Variants in TTLL4 observed in about 807,000 individuals in gnomAD.
TTLL4 encodes the protein tubulin tyrosine ligase like 4.
TTLL4 carries 85 observed loss-of-function variants against 122.7 expected under a neutral mutation model. The observed-to-expected ratio is 0.69, with a 90% CI of 0.58 to 0.83. The LOEUF (loss-of-function observed/expected upper bound fraction) is 0.83. Among genes scored for constraint, TTLL4 ranks in the 40% least tolerant of loss-of-function variants. The probability of loss-of-function intolerance (pLI) is 0.00; values close to 1 mark genes in which losing one functional copy is unlikely to be tolerated. For synonymous variants in TTLL4, 553 were observed against 563.0 expected (o/e 0.98, Z 0.25); for missense variants, 1,363 against 1,488.6 (o/e 0.92, Z 1.39).
intron 2 of TTLL4, among the ~76,000 whole-genome samples, chr2:218,737,251 G>A (rs1251468494): frequency 3.9e-5 from 6 of 152,122 alleles, no homozygotes; most frequent in Admixed American, 2.6e-4. Context: ...AGTTGTGGGC[G>A]GTGAGACAGA....
chr2:218,731,426 T>A (rs1166034041), intron 2 of TTLL4, among the ~76,000 whole-genome samples: 2 of 151,432 alleles, frequency 1.3e-5, no homozygotes, highest in African/African-American at 2.4e-5. Flanking sequence ...AAAAAAAAAA[T>A]TTCACAAAAG....
At chr2:218,727,787 G>A (rs1362275544) in intron 2 of TTLL4, among the ~76,000 whole-genome samples, 3 of 152,060 alleles carry the variant, frequency 2.0e-5, no homozygotes, top group African/African-American at 7.2e-5. Flanking sequence ...CTGAGTTCCT[G>A]GTTAGAGAGC....
At chr2:218,728,510 C>T (rs1448499077) in intron 2 of TTLL4, among the ~76,000 whole-genome samples, 2 of 152,236 alleles carry the variant, frequency 1.3e-5, no homozygotes, top group Non-Finnish European at 2.9e-5. Context: ...GTAATGCCCG[C>T]TTGCCCAATG....
chr2:218,738,030 C>T lies in TTLL4; in HGVS notation c.354C>T (p.Tyr118=). ...LPDLFNSTLL[Y]RRSSYRQKPY... is the part of the protein sequence containing the mutation. ...ACTTGTTCAACAGCACCCTGCTATACCGCCGCTCCAGCTATAGGCAAAAAC... is the reference window on the plus strand; with the variant it reads ...ACTTGTTCAACAGCACCCTGCTATATCGCCGCTCCAGCTATAGGCAAAAAC... Residue 118 remains tyrosine, a synonymous_variant, in exon 3 of 20, where the codon TAC becomes TAT. Transcript: ENST00000392102. The T allele has an allele frequency of 6.2e-7, 1 of 1,614,182 alleles. No individual in the cohort carries two copies. The highest frequency in any genetic ancestry group is 8.5e-7 in the Non-Finnish European group (1 of 1,180,040).
At chr2:218,750,493 A>T (rs1192668915) in intron 15 of TTLL4, among the ~76,000 whole-genome samples, 2 of 152,054 alleles carry the variant, frequency 1.3e-5, no homozygotes, top group Non-Finnish European at 2.9e-5. Flanking sequence ...GCCTGTGAAT[A>T]GCCACTGTAC....
At position 218,716,518 on chromosome 2, in the gene TTLL4, A is replaced by G. The variant is rs548186256; in HGVS notation, c.-178+5481A>G. ...ATTTACACTGTGTCGGGCTGGGCGC[A>G]GTGGCTCACGCCTGTAATCCCAGCA... is the stretch of plus-strand genomic sequence containing the variant. On this transcript the variant is annotated intron_variant, in intron 1 of 19. Coordinates refer to ENST00000392102, the MANE Select transcript of TTLL4 (RefSeq NM_014640.5). 5.0e-3 allele frequency among the ~76,000 whole-genome samples: 756 copies of G among 152,318 alleles called. 5 individuals are homozygous for G. Among genetic ancestry groups the G allele is most frequent in the South Asian group, 0.018 (87 of 4,832 alleles).
Position 218,740,119 on chromosome 2 carries a change from G to C in TTLL4, c.1549G>C (p.Asp517His), listed in dbSNP as rs1942657178. Residue 517 changes from aspartate to histidine, a missense_variant, in exon 4 of 20, where the codon GAT becomes CAT. Physicochemically the swap from Asp to His is moderately conservative, Grantham distance 81 (BLOSUM62 -1). Coordinates refer to ENST00000392102, the MANE Select transcript of TTLL4 (RefSeq NM_014640.5). ...ETEDTEEELV[D>H]GLEDCCSRDE... ...TGAAGATACAGAAGAAGAACTAGTA[G>C]ATGGTTTGGAAGACTGTTGTAGCCG... 6.2e-7 allele frequency: 1 copy of C among 1,614,102 alleles called. No homozygotes were observed. The highest frequency in any genetic ancestry group is 1.7e-5 in the Admixed American group (1 of 60,014).
In TTLL4 at chr2:218,745,102, G is replaced by C. The variant is rs761265360; in HGVS notation, c.1662-7G>C. On this transcript the variant is annotated splice_polypyrimidine_tract_variant and splice_region_variant and intron_variant, in intron 5 of 19. Transcript: ENST00000392102. ...TTTCTCTACTCCATGTTTGTTTTTC[G>C]TCTTAGAAGCTGTATGGAAATTCTG... 1 of 1,613,378 alleles carries C rather than the reference G, an allele frequency of 6.2e-7. No individual in the cohort carries two copies. The highest frequency in any genetic ancestry group is 8.5e-7 in the Non-Finnish European group (1 of 1,179,612).
Position 218,744,140 on chromosome 2 carries a change from C to A in TTLL4, c.1662-969C>A, listed in dbSNP as rs146277766. The stretch of plus-strand genomic sequence containing the variant: ...TTGGGAATTAGTATTTAACTTGATT[C>A]CATAAAATTCATTAAAAATCTTTAA... On this transcript the variant is annotated intron_variant, in intron 5 of 19. Transcript: ENST00000392102. Among the ~76,000 whole-genome samples the A allele has an allele frequency of 2.6e-3, 392 of 152,210 alleles. 4 individuals carry two copies. Among genetic ancestry groups the A allele is most frequent in the African/African-American group, 9.1e-3 (377 of 41,514 alleles).
chr2:218,722,958 G>A (rs1942088094), intron 1 of TTLL4, among the ~76,000 whole-genome samples: 1 of 152,210 alleles, frequency 6.6e-6, no homozygotes, highest in Non-Finnish European at 1.5e-5. Context: ...ATGGAGGCCT[G>A]TCCAGGGACT....
At chr2:218,749,087 A>T (rs1286583885) in intron 13 of TTLL4, among the ~76,000 whole-genome samples, 153 bp downstream of exon 13, 1 of 152,134 alleles carries the variant, frequency 6.6e-6, no homozygotes, top group African/African-American at 2.4e-5. Flanking sequence ...AGTTCTAATG[A>T]ACCTCATCCC....
intron 13 of TTLL4, 122 bp downstream of exon 13, chr2:218,749,056 A>G: frequency 2.4e-6 from 3 of 1,271,408 alleles, no homozygotes; most frequent in South Asian, 1.4e-5. Context: ...GACAGAGAAT[A>G]GGAAGGAGTG....
intron 5 of TTLL4, among the ~76,000 whole-genome samples, chr2:218,744,243 T>C (rs1575177873): frequency 6.6e-6 from 1 of 152,254 alleles, no homozygotes; most frequent in East Asian, 1.9e-4. Context: ...AAGTGACTTT[T>C]TTAAACTAAA....
chr2:218,746,986 C>T lies in TTLL4; in HGVS notation c.1975-17C>T. ...ACCTCTGCCCTCTTCCTGCACTCAC[C>T]CTTTTCCCTTTTGTAGCTAAACCAT... On this transcript the variant is annotated splice_polypyrimidine_tract_variant and intron_variant, in intron 8 of 19. Coordinates refer to ENST00000392102, the MANE Select transcript of TTLL4 (RefSeq NM_014640.5). 6.2e-7 allele frequency: 1 copy of T among 1,612,142 alleles called. No individual in the cohort carries two copies. The highest frequency in any genetic ancestry group is 8.5e-7 in the Non-Finnish European group (1 of 1,178,660).
At chr2:218,733,150 A>G (rs539547286) in intron 2 of TTLL4, among the ~76,000 whole-genome samples, 7 of 152,310 alleles carry the variant, frequency 4.6e-5, no homozygotes, top group South Asian at 2.1e-4. Context: ...TTGAGTCCAG[A>G]CATATTTCTT....
At chr2:218,724,785 T>C (rs1942140324) in intron 1 of TTLL4, among the ~76,000 whole-genome samples, 1 of 152,232 alleles carries the variant, frequency 6.6e-6, no homozygotes. Flanking sequence ...AGTTTTTTTC[T>C]AGTAGTATGG....
chr2:218,742,938 C>A (rs918937381), intron 5 of TTLL4, among the ~76,000 whole-genome samples: 2 of 152,008 alleles, frequency 1.3e-5, no homozygotes, highest in Non-Finnish European at 2.9e-5. Flanking sequence ...GCCTGGCCAA[C>A]ATGGTGAAAC....
intron 1 of TTLL4, among the ~76,000 whole-genome samples, chr2:218,725,406 T>G (rs149262806): frequency 1.7e-3 from 261 of 151,442 alleles, no homozygotes; most frequent in African/African-American, 5.9e-3. Flanking sequence ...GTTTTTTTTT[T>G]GTAGAGATAG....
In TTLL4 at chr2:218,748,193, A is replaced by G. The variant is rs1553611157; in HGVS notation, c.2467A>G (p.Asn823Asp). The G allele has an allele frequency of 6.2e-7, 1 of 1,614,182 alleles. No homozygotes were observed. The highest frequency in any genetic ancestry group is 8.5e-7 in the Non-Finnish European group (1 of 1,180,034). The change falls in exon 12 of 20, where the codon AAT becomes GAT. Residue 823 changes from asparagine to aspartate, a missense_variant. Coordinates refer to ENST00000392102, the MANE Select transcript of TTLL4 (RefSeq NM_014640.5). Reference protein sequence around the residue: ...VNKKNAEYQANADEMACQGHK... With the variant: ...VNKKNAEYQADADEMACQGHK... ...TAAAAAGAATGCCGAGTACCAGGCC[A>G]ATGCAGATGAAATGGCTTGCCAGGG...
Sources: allele counts gnomAD v4.1 joint callset (sites outside exome capture counted in the v4.1 genomes callset), GRCh38; gene constraint gnomAD v4.1.1; transcripts MANE v1.5; gene names NCBI Gene and HGNC (gene_info 2026-07-23, HGNC 2026-07-21).